Variants in FGL1 observed in about 807,000 individuals in gnomAD.
FGL1 encodes fibrinogen-like protein 1.
A neutral mutation model predicts 43.7 loss-of-function variants in FGL1; 59 were observed. The observed-to-expected ratio is 1.35, with a 90% CI of 1.10 to 1.68. The LOEUF (loss-of-function observed/expected upper bound fraction) is 1.68, where lower values mean the gene tolerates loss of function less well. FGL1 is among the 40% of genes most tolerant of loss of function. The pLI is 0.00. For missense variants in FGL1, 596 were observed against 373.0 expected (o/e 1.60, Z -4.92); for synonymous variants, 192 against 126.5 (o/e 1.52, Z -3.48).
rs2053405627 is a variant in FGL1 at position 17,874,061 on chromosome 8, A to G, written c.460T>C (p.Tyr154His). ...TGAAGATTTTTATTGCCCAGCCAAT[A>G]TTCACCATGTTTTTGGACAAAATTT... is the stretch of plus-strand genomic sequence containing the variant. Reference protein sequence around the residue: ...FGNFVQKHGEYWLGNKNLHFL... With the variant: ...FGNFVQKHGEHWLGNKNLHFL... Residue 154 changes from tyrosine (Y) to histidine (H), a missense_variant, in exon 5 of 8, where the codon TAT becomes CAT. By Grantham distance (83) the Tyr-to-His change is moderately conservative. Transcript: ENST00000427924. The G allele has an allele frequency of 6.2e-7, 1 of 1,612,012 alleles. No homozygotes were observed. The highest frequency in any genetic ancestry group is 8.5e-7 in the Non-Finnish European group (1 of 1,179,586).
chr8:17,865,949 A>T (rs796911400), intron 7 of FGL1, among the ~76,000 whole-genome samples: 4 of 152,338 alleles, frequency 2.6e-5, no homozygotes, highest in African/African-American at 9.6e-5. Context: ...GACGTAATTA[A>T]TTGAAAATAT....
At chr8:17,889,250 A>G (rs1011548646) in intron 1 of FGL1, among the ~76,000 whole-genome samples, 2 of 152,170 alleles carry the variant, frequency 1.3e-5, no homozygotes, top group Non-Finnish European at 2.9e-5. Context: ...GGCATCACTA[A>G]ACACTCTGCC....
At chr8:17,881,315 T>G (rs2053531941) in intron 3 of FGL1, among the ~76,000 whole-genome samples, 1 of 151,588 alleles carries the variant, frequency 6.6e-6, no homozygotes, top group South Asian at 2.1e-4. Context: ...TTTTGTATTT[T>G]TAGTAGAGAT....
rs2053415638 is a variant in FGL1 at position 17,874,511 on chromosome 8, C to T, written c.255G>A (p.Glu85=). The change falls in exon 4 of 8, where the codon GAG becomes GAA. Residue 85 remains glutamate (E), a synonymous_variant. Coordinates refer to ENST00000427924, the MANE Select transcript of FGL1 (RefSeq NM_004467.4). The part of the protein sequence containing the change: ...GSKRQYADCS[E]IFNDGYKLSG... ...TGAGCTTATACCCATCATTGAAAAT[C>T]TCTGAACAATCTGTTTTTAAAACAA... 1.9e-6 allele frequency: 3 copies of T among 1,604,728 alleles called. No individual in the cohort carries two copies. Among genetic ancestry groups the T allele is most frequent in the African/African-American group, 2.7e-5 (2 of 74,456 alleles).
chr8:17,884,759 C>T (rs537510776), intron 2 of FGL1, among the ~76,000 whole-genome samples: 4 of 152,232 alleles, frequency 2.6e-5, no homozygotes, highest in South Asian at 2.1e-4. Context: ...AGATTGCATA[C>T]GCATATTTAG....
Position 17,878,671 on chromosome 8 carries a change from C to A in FGL1, c.244+3328G>T, listed in dbSNP as rs118004262. Among the ~76,000 whole-genome samples the A allele has an allele frequency of 8.6e-3, 1,308 of 152,240 alleles. 7 individuals are homozygous for A. Among genetic ancestry groups the A allele is most frequent in the Non-Finnish European group, 0.014 (937 of 68,018 alleles). ...GCTGTAGAAAATCATGTGCCTAGTG[C>A]ATTGTTTGCACAAATTGCTAGGTTG... On this transcript the variant is annotated intron_variant, in intron 3 of 7. Coordinates refer to ENST00000427924, the MANE Select transcript of FGL1 (RefSeq NM_004467.4).
intron 3 of FGL1, among the ~76,000 whole-genome samples, chr8:17,875,483 C>A (rs7842963): frequency 0.15 from 1,319 of 8,636 alleles, 159 homozygotes; most frequent in African/African-American, 0.23. Context: ...AGTGATATCT[C>A]TTTCTTTCTT....
intron 1 of FGL1, among the ~76,000 whole-genome samples, chr8:17,892,655 A>T (rs1339912485): frequency 3.3e-5 from 5 of 152,208 alleles, no homozygotes; most frequent in Non-Finnish European, 7.4e-5. Flanking sequence ...TTTCCTTGAT[A>T]AATGAAACTG....
chr8:17,869,738 T>C (rs2053328553), intron 5 of FGL1, among the ~76,000 whole-genome samples: 1 of 152,198 alleles, frequency 6.6e-6, no homozygotes, highest in African/African-American at 2.4e-5. Context: ...TGATAATTAC[T>C]GGAAAATATA....
At chr8:17,889,815 G>T (rs2053680035) in intron 1 of FGL1, among the ~76,000 whole-genome samples, 1 of 152,120 alleles carries the variant, frequency 6.6e-6, no homozygotes, top group African/African-American at 2.4e-5. Context: ...TAGAAAAATG[G>T]CAATTTCATT....
chr8:17,893,751 T>A (rs191418550), intron 1 of FGL1, among the ~76,000 whole-genome samples: 7 of 147,494 alleles, frequency 4.7e-5, no homozygotes, highest in Non-Finnish European at 8.8e-5. Context: ...CAACATTCTC[T>A]GTAATATTGA....
rs532544229 is a variant in FGL1 at position 17,866,350 on chromosome 8, GA to G, written c.780-1600del. Among the ~76,000 whole-genome samples, 9 of 59,664 alleles carry G rather than the reference GA, an allele frequency of 1.5e-4. No individual in the cohort carries two copies. In the East Asian group the frequency reaches 2.7e-3, roughly 18 times the overall value. 39.1% of individuals were successfully genotyped at this position (59,664 alleles called of 152,430 possible). A position where few individuals can be genotyped will look rare whatever the true frequency, so the allele number is the denominator to read the frequency against. On this transcript the variant is annotated intron_variant, in intron 7 of 7. Transcript: ENST00000427924. ...CTCGCAGTGATTGGTTTGCTATGTG[GA>G]AAAAAACATTTTATAGGTGGGTAAT...
Position 17,895,522 on chromosome 8 carries a change from A to G in FGL1, c.-93T>C, listed in dbSNP as rs1249928844. ...CTGCTTCCCAGGATCCTGTAACTGC[A>G]TTGGGAATTTGTAATTATTTCTCCA... On this transcript the variant is annotated 5_prime_UTR_variant, in exon 1 of 8. An upstream start codon of the reference 5' UTR is lost. Coordinates refer to ENST00000427924, the MANE Select transcript of FGL1 (RefSeq NM_004467.4). 1.6e-6 allele frequency: 2 copies of G among 1,287,344 alleles called. No individual in the cohort carries two copies. Among genetic ancestry groups the G allele is most frequent in the Non-Finnish European group, 2.0e-6 (2 of 987,176 alleles). The allele number at this position is 1,287,344 out of a possible 1,614,324, so 79.7% of individuals were successfully genotyped here.
At chr8:17,879,002 T>C (rs1585138700) in intron 3 of FGL1, among the ~76,000 whole-genome samples, 1 of 148,206 alleles carries the variant, frequency 6.7e-6, no homozygotes, top group East Asian at 2.0e-4. Context: ...TCTCCCTATA[T>C]GCTAAAATAT....
At position 17,890,197 on chromosome 8, in the gene FGL1, T is replaced by A. The variant is rs2053684634; in HGVS notation, c.-17-4626A>T. 7.9e-5 allele frequency among the ~76,000 whole-genome samples: 12 copies of A among 152,296 alleles called. No homozygotes were observed. The South Asian group carries it at 2.5e-3, about 32-fold the overall frequency. On this transcript the variant is annotated intron_variant, in intron 1 of 7. Transcript: ENST00000427924. The stretch of plus-strand genomic sequence containing the variant: ...AATTTATACAACATCCAATCATTTC[T>A]CACCACCTCTATTGCTAATGTCTGG...
intron 2 of FGL1, among the ~76,000 whole-genome samples, chr8:17,883,454 A>G (rs2053580296): frequency 8.2e-6 from 1 of 121,918 alleles, no homozygotes; most frequent in South Asian, 2.4e-4. Context: ...AAATGAATAG[A>G]TATTATATAA....
chr8:17,867,710 G>T lies in FGL1; in HGVS notation c.779+838C>A, dbSNP rs114565118. ...GCTTTCAGCGTGGATACGCTAGACA[G>T]AGGGGTGACCCACCTCCTGGGCAGA... On this transcript the variant is annotated intron_variant, in intron 7 of 7. Transcript: ENST00000427924. 3.3e-3 allele frequency among the ~76,000 whole-genome samples: 501 copies of T among 152,312 alleles called. 3 individuals carry two copies. Among genetic ancestry groups the T allele is most frequent in the African/African-American group, 0.011 (461 of 41,556 alleles).
chr8:17,871,845 A>T (rs2053367205), intron 5 of FGL1, among the ~76,000 whole-genome samples: 1 of 152,228 alleles, frequency 6.6e-6, no homozygotes, highest in East Asian at 1.9e-4. Flanking sequence ...TTGATATATG[A>T]AAAGGAACAG....
chr8:17,873,173 C>T (rs79937798), intron 5 of FGL1, among the ~76,000 whole-genome samples: 2,567 of 152,186 alleles, frequency 0.017, 31 homozygotes, highest in South Asian at 0.029. Flanking sequence ...TTGTTTACTT[C>T]CTTTTAAAAA....
Sources: gnomAD v4.1 joint callset for allele counts (sites outside exome capture counted in the v4.1 genomes callset) on GRCh38, gnomAD v4.1.1 for gene constraint, MANE v1.5 for transcripts, NCBI Gene and HGNC (gene_info 2026-07-23, HGNC 2026-07-21) for gene names.